ALDH1A2: variants seen among roughly 807,000 people sequenced by gnomAD.
The protein encoded by ALDH1A2 is aldehyde dehydrogenase 1 family member A2.
A neutral mutation model predicts 60.3 loss-of-function variants in ALDH1A2; 27 were observed. That is an observed-to-expected ratio of 0.45 (90% CI 0.33 to 0.62). The LOEUF (loss-of-function observed/expected upper bound fraction) is 0.62. ALDH1A2 is among the 20% of genes least tolerant of loss of function. The pLI is 0.02. For synonymous variants in ALDH1A2, 289 were observed against 232.4 expected (o/e 1.24, Z -2.21); for missense variants, 581 against 643.8 (o/e 0.90, Z 1.06).
chr15:57,956,778 G>C (rs1397995073), intron 12 of ALDH1A2, among the ~76,000 whole-genome samples: 1 of 152,096 alleles, frequency 6.6e-6, no homozygotes, highest in East Asian at 1.9e-4. Flanking sequence ...CATCCCATTT[G>C]AAGTGAATTT....
Position 57,960,799 on chromosome 15 carries a change from TC to T in ALDH1A2, c.1454del (p.Gly485AspfsTer25), listed in dbSNP as rs1566928389. The T allele has an allele frequency of 6.2e-7, 1 of 1,613,830 alleles. No individual in the cohort carries two copies. The highest frequency in any genetic ancestry group is 8.5e-7 in the Non-Finnish European group (1 of 1,179,908). On this transcript the variant is annotated frameshift_variant, in exon 12 of 13. Coordinates refer to ENST00000249750, the MANE Select transcript of ALDH1A2 (RefSeq NM_003888.4). LOFTEE classifies it high-confidence loss of function. The part of the protein sequence containing the change: ...NALNAQSPFG[G>X]FKMSGNGREM... ...CTCTCCCATTTCCAGACATCTTGAA[TC>T]CCCCAAAGGGGCTCTGGGCATTTAA... is the stretch of plus-strand genomic sequence containing the variant.
intron 7 of ALDH1A2, among the ~76,000 whole-genome samples, chr15:57,975,986 A>T (rs912904533): frequency 2.6e-5 from 4 of 152,246 alleles, no homozygotes; most frequent in Non-Finnish European, 4.4e-5. Flanking sequence ...AATCTATTGT[A>T]TATCAATTAT....
At chr15:58,038,732 G>C (rs1350371672) in intron 1 of ALDH1A2, 1 of 151,686 alleles carries the variant, frequency 6.6e-6, no homozygotes, top group Non-Finnish European at 1.5e-5. Context: ...TCAATATTGT[G>C]GTAGAAGGCA....
intron 1 of ALDH1A2, among the ~76,000 whole-genome samples, chr15:58,029,900 C>G (rs1896186240): frequency 6.6e-6 from 1 of 152,104 alleles, no homozygotes; most frequent in Admixed American, 6.5e-5. Flanking sequence ...TAATAGCCTA[C>G]CAACCAAAAA....
In ALDH1A2 at chr15:57,954,622, G is replaced by C. The variant is rs1893456107; in HGVS notation, c.*575C>G. On this transcript the variant is annotated 3_prime_UTR_variant, in exon 13 of 13. Transcript: ENST00000249750. ...TACATCTGTAGTGTACCAGCTCCTG[G>C]CATTTTCATTCTGGTCTGACTCTAG... is the stretch of plus-strand genomic sequence containing the variant. 1.2e-5 allele frequency: 2 copies of C among 170,278 alleles called. No individual in the cohort carries two copies. The highest frequency in any genetic ancestry group is 5.4e-5 in the Admixed American group (1 of 18,438). The allele number at this position is 170,278 out of a possible 1,614,324, so 10.5% of individuals were successfully genotyped here.
At chr15:58,043,126 T>G (rs908397776) in intron 1 of ALDH1A2, among the ~76,000 whole-genome samples, 2 of 151,900 alleles carry the variant, frequency 1.3e-5, no homozygotes, top group Admixed American at 1.3e-4. Context: ...AGCCCTCAAT[T>G]TCTTTGTCTA....
At chr15:57,961,860 G>C in intron 10 of ALDH1A2, 152 bp downstream of exon 10, 2 of 1,125,662 alleles carry the variant, frequency 1.8e-6, no homozygotes, top group African/African-American at 3.1e-5. Flanking sequence ...TTTTCTTCTT[G>C]AAACTGGAAT....
At chr15:57,993,122 T>A in intron 5 of ALDH1A2, 49 bp from the exon 6 acceptor site, 1 of 1,602,946 alleles carries the variant, frequency 6.2e-7, no homozygotes, top group Admixed American at 1.7e-5. Context: ...ATTCTTCCAC[T>A]ACTTTGTTTT....
chr15:58,059,116 G>C (rs531152023), intron 1 of ALDH1A2, among the ~76,000 whole-genome samples: 9 of 152,168 alleles, frequency 5.9e-5, no homozygotes, highest in Non-Finnish European at 1.2e-4. Flanking sequence ...GCAGACAGTA[G>C]AGAAATACCA....
chr15:58,045,791 T>C (rs1896626506), intron 1 of ALDH1A2, among the ~76,000 whole-genome samples: 1 of 151,932 alleles, frequency 6.6e-6, no homozygotes, highest in Non-Finnish European at 1.5e-5. Flanking sequence ...GTAACAAAAA[T>C]GCATGTTCTG....
intron 10 of ALDH1A2, 93 bp downstream of exon 10, chr15:57,961,919 T>A: frequency 6.6e-7 from 1 of 1,504,584 alleles, no homozygotes; most frequent in Non-Finnish European, 9.2e-7. Context: ...ATGTAAAATA[T>A]AAAGAGCTAA....
intron 4 of ALDH1A2, among the ~76,000 whole-genome samples, chr15:57,997,421 A>G (rs1895100428): frequency 6.6e-6 from 1 of 152,024 alleles, no homozygotes; most frequent in Non-Finnish European, 1.5e-5. Flanking sequence ...TCAGGTGGAT[A>G]GTCACAGACC....
intron 8 of ALDH1A2, 91 bp downstream of exon 8, chr15:57,965,634 C>T (rs1893869008): frequency 1.0e-6 from 1 of 977,260 alleles, no homozygotes; most frequent in South Asian, 1.3e-5. Flanking sequence ...CTTCAAATAT[C>T]TTTTGCTAGT....
rs867572070 is a variant in ALDH1A2 at position 58,010,509 on chromosome 15, G to T, written c.493+140C>A. 3.2e-5 allele frequency: 31 copies of T among 972,600 alleles called. 1 individual carries two copies. The highest frequency in any genetic ancestry group is 2.3e-4 in the South Asian group (14 of 61,708). The allele number at this position is 972,600 out of a possible 1,614,324, so 60.2% of individuals were successfully genotyped here. On this transcript the variant is annotated intron_variant, in intron 4 of 12. Transcript: ENST00000249750. ...GTTGTCAGAGTCAGTGACATAATTT[G>T]GTTGGTTCTTCACTCAGTTCTAACT... is the stretch of plus-strand genomic sequence containing the variant.
chr15:57,992,725 C>T lies in ALDH1A2; in HGVS notation c.778G>A (p.Ala260Thr), dbSNP rs1373928763. 1.2e-6 allele frequency: 2 copies of T among 1,614,120 alleles called. No individual in the cohort carries two copies. Among genetic ancestry groups the T allele is most frequent in the Non-Finnish European group, 1.7e-6 (2 of 1,179,970 alleles). ...IASHIGIDKIAFTGSTEVGKL... is the reference protein window; with the variant it reads ...IASHIGIDKITFTGSTEVGKL... The stretch of plus-strand genomic sequence containing the variant: ...CCTACCTCAGTAGACCCTGTGAATG[C>T]AATCTTGTCTATGCCAATGTGAGAA... The change falls in exon 7 of 13, where the codon GCA becomes ACA. Residue 260 changes from alanine to threonine, a missense_variant. Transcript: ENST00000249750.
At chr15:58,063,410 C>A (rs1185668376) in intron 1 of ALDH1A2, among the ~76,000 whole-genome samples, 3 of 152,168 alleles carry the variant, frequency 2.0e-5, no homozygotes, top group Non-Finnish European at 4.4e-5. Flanking sequence ...CTTGTTCACT[C>A]TTCTGTTTGA....
Position 57,995,101 on chromosome 15 carries a change from C to T in ALDH1A2, c.532G>A (p.Gly178Arg), listed in dbSNP as rs148475880. 1.2e-6 allele frequency: 2 copies of T among 1,610,164 alleles called. No homozygotes were observed. Among genetic ancestry groups the T allele is most frequent in the Non-Finnish European group, 1.7e-6 (2 of 1,178,528 alleles). Residue 178 changes from glycine to arginine, a missense_variant, in exon 5 of 13, where the codon GGA becomes AGA. Transcript: ENST00000249750. ...YFTFTRHEPIGVCGQIIPWNF... is the reference protein window; with the variant it reads ...YFTFTRHEPIRVCGQIIPWNF... ...ACTGGGATGATCTGTCCACACACTC[C>T]AATGGGTTCATGTCTTGTAAAGGTA...
chr15:57,987,488 G>C (rs1387621749), intron 7 of ALDH1A2, among the ~76,000 whole-genome samples: 1 of 152,060 alleles, frequency 6.6e-6, no homozygotes, highest in Non-Finnish European at 1.5e-5. Context: ...AGTAAAGTCA[G>C]AAACATGCCA....
At chr15:57,955,317 T>C (rs536382082) in intron 12 of ALDH1A2, 48 bp from the exon 13 acceptor site, 6 of 1,590,592 alleles carry the variant, frequency 3.8e-6, no homozygotes, top group African/African-American at 2.7e-5. Flanking sequence ...TCCAGGGAGC[T>C]GCATGTGAGT....
Sources: allele counts gnomAD v4.1 joint callset (sites outside exome capture counted in the v4.1 genomes callset), GRCh38; gene constraint gnomAD v4.1.1; transcripts MANE v1.5; gene names NCBI Gene and HGNC (gene_info 2026-07-23, HGNC 2026-07-21).